MYPN: variants seen among roughly 807,000 people sequenced by gnomAD.
MYPN encodes the protein myopalladin.
Under a neutral mutation model 129.4 loss-of-function variants are expected in MYPN, and 63 were observed. That is an observed-to-expected ratio of 0.49 (90% CI 0.40 to 0.60). The LOEUF is 0.60. MYPN is among the 20% of genes least tolerant of loss of function. MYPN has a pLI of 0.00. For missense variants in MYPN, 1,596 were observed against 1,635.4 expected (o/e 0.98, Z 0.42); for synonymous variants, 629 against 600.9 (o/e 1.05, Z -0.68).
chr10:68,129,114 C>T (rs749693480), intron 2 of MYPN, among the ~76,000 whole-genome samples: 1 of 151,952 alleles, frequency 6.6e-6, no homozygotes, highest in Admixed American at 6.6e-5. Context: ...GCTTCACCTG[C>T]GACTTGATGG....
chr10:68,174,260 C>G lies in MYPN; in HGVS notation c.2168C>G (p.Pro723Arg). The G allele has an allele frequency of 6.2e-7, 1 of 1,614,096 alleles. No individual in the cohort carries two copies. Among genetic ancestry groups the G allele is most frequent in the Non-Finnish European group, 8.5e-7 (1 of 1,180,020 alleles). The stretch of plus-strand genomic sequence containing the variant: ...TCACAGACGTTCAGCTTGGCCCGGC[C>G]GAAGTATTTCTTCCCCTCCACGAAC... ...PSSQTFSLARPKYFFPSTNTT... is the reference protein window; with the variant it reads ...PSSQTFSLARRKYFFPSTNTT... The change falls in exon 11 of 20, where the codon CCG becomes CGG. Residue 723 changes from proline to arginine, a missense_variant. Transcript: ENST00000358913.
At chr10:68,201,397 A>T (rs534372162) in intron 17 of MYPN, among the ~76,000 whole-genome samples, 1 of 152,326 alleles carries the variant, frequency 6.6e-6, no homozygotes, top group Admixed American at 6.5e-5. Context: ...AGGTGGGTGC[A>T]TGCCCACTCT....
intron 1 of MYPN, among the ~76,000 whole-genome samples, chr10:68,114,909 G>A (rs2042134118): frequency 6.6e-6 from 1 of 151,804 alleles, no homozygotes; most frequent in African/African-American, 2.4e-5. Flanking sequence ...TTTTGAAAGT[G>A]GGAAAAAAAA....
In MYPN at chr10:68,201,912, T is replaced by A. The variant is rs1315553278; in HGVS notation, c.3577T>A (p.Cys1193Ser). The A allele has an allele frequency of 6.2e-7, 1 of 1,613,404 alleles. No individual in the cohort carries two copies. Among genetic ancestry groups the A allele is most frequent in the Non-Finnish European group, 8.5e-7 (1 of 1,179,922 alleles). ...CGAAGGCCACCCCGTGAGACTGGAG[T>A]GCCGCGTGATAGGCATGCCCCCACC... ...VPEGHPVRLE[C>S]RVIGMPPPVF... is the part of the protein sequence containing the mutation. Residue 1193 changes from cysteine to serine, a missense_variant, in exon 18 of 20, where the codon TGC becomes AGC. Cys to Ser is a moderately radical substitution (Grantham distance 112, BLOSUM62 -1). Transcript: ENST00000358913.
chr10:68,139,281 C>T (rs1026754269), intron 2 of MYPN, among the ~76,000 whole-genome samples: 6 of 152,090 alleles, frequency 3.9e-5, no homozygotes, highest in African/African-American at 1.4e-4. Flanking sequence ...TCTCCAAATC[C>T]CAAAACTTTC....
Position 68,158,539 on chromosome 10 carries a change from A to G in MYPN, c.1371A>G (p.Arg457=), listed in dbSNP as rs1396573758. ...GTCAGCTGGTTGTCTTTGAATGCAG[A>G]GTAAAAGGAGCTCCATCTCCTAAGG... ...SEGQLVVFEC[R]VKGAPSPKVE... is the part of the protein sequence containing the mutation. Residue 457 remains arginine (R), a synonymous_variant, in exon 7 of 20, where the codon AGA becomes AGG. Coordinates refer to ENST00000358913, the MANE Select transcript of MYPN (RefSeq NM_032578.4). The G allele has an allele frequency of 6.2e-7, 1 of 1,613,870 alleles. No homozygotes were observed. Among genetic ancestry groups the G allele is most frequent in the East Asian group, 2.2e-5 (1 of 44,874 alleles).
At chr10:68,133,031 T>G (rs2042433884) in intron 2 of MYPN, among the ~76,000 whole-genome samples, 1 of 148,444 alleles carries the variant, frequency 6.7e-6, no homozygotes, top group Admixed American at 6.7e-5. Context: ...ATTTTTTTTT[T>G]TTTTTTTTTT....
At chr10:68,180,609 C>A (rs1187481064) in intron 12 of MYPN, among the ~76,000 whole-genome samples, 1 of 152,222 alleles carries the variant, frequency 6.6e-6, no homozygotes, top group Non-Finnish European at 1.5e-5. Flanking sequence ...TACCCAGAAT[C>A]TGTTGGGAAC....
intron 2 of MYPN, among the ~76,000 whole-genome samples, chr10:68,129,171 T>C (rs977778253): frequency 1.1e-4 from 17 of 152,102 alleles, no homozygotes; most frequent in African/African-American, 3.4e-4. Flanking sequence ...AATCAGGATG[T>C]CTAGGGAAGA....
At chr10:68,209,192 T>C (rs2043865655) in intron 19 of MYPN, among the ~76,000 whole-genome samples, 1 of 152,136 alleles carries the variant, frequency 6.6e-6, no homozygotes, top group Admixed American at 6.5e-5. Flanking sequence ...AGAAACCTAA[T>C]CAGAAGATTG....
At chr10:68,127,889 C>G (rs756540532) in intron 2 of MYPN, among the ~76,000 whole-genome samples, 8 of 152,130 alleles carry the variant, frequency 5.3e-5, no homozygotes, top group Non-Finnish European at 1.2e-4. Context: ...GCTATCTTAG[C>G]AAGAAAATAT....
Position 68,109,711 on chromosome 10 carries a change from TA to T in MYPN, c.-7del, listed in dbSNP as rs1564640695. On this transcript the variant is annotated 5_prime_UTR_variant, in exon 1 of 20. Coordinates refer to ENST00000358913, the MANE Select transcript of MYPN (RefSeq NM_032578.4). ...ATTGGACATCCTCATCTGGGTCAAC[TA>T]AAAAAAGAAAGGTAATATCCAGATT... 2.2e-6 allele frequency: 1 copy of T among 453,166 alleles called. No homozygotes were observed. Among genetic ancestry groups the T allele is most frequent in the Non-Finnish European group, 4.4e-6 (1 of 226,468 alleles). 28.1% of individuals were successfully genotyped at this position (453,166 alleles called of 1,614,324 possible).
At chr10:68,088,481 A>G (rs919690438) in intron 1 of MYPN, among the ~76,000 whole-genome samples, 2 of 152,234 alleles carry the variant, frequency 1.3e-5, no homozygotes, top group African/African-American at 2.4e-5. Flanking sequence ...TTATTGTTTC[A>G]TAAAGAACTG....
intron 6 of MYPN, among the ~76,000 whole-genome samples, chr10:68,154,109 A>C (rs143877279): frequency 9.0e-4 from 137 of 152,358 alleles, no homozygotes; most frequent in African/African-American, 3.2e-3. Flanking sequence ...TACTCTACTC[A>C]TAGGTGATAC....
chr10:68,139,841 A>G (rs1216616915), intron 2 of MYPN, among the ~76,000 whole-genome samples: 1 of 152,256 alleles, frequency 6.6e-6, no homozygotes, highest in African/African-American at 2.4e-5. Flanking sequence ...CCAGGGCACT[A>G]TTGTAGGTGC....
At position 68,166,926 on chromosome 10, in the gene MYPN, C is replaced by T. The variant is rs1589578907; in HGVS notation, c.1973+260C>T. 3.3e-5 allele frequency among the ~76,000 whole-genome samples: 5 copies of T among 152,192 alleles called. 1 individual carries two copies. The highest frequency in any genetic ancestry group is 3.3e-4 in the Admixed American group (5 of 15,290). ...TGGTGGTGCACACCTATAGTCCTAG[C>T]TACGTGGGAGACAGAGGCAGGAGGA... On this transcript the variant is annotated intron_variant, in intron 10 of 19. Transcript: ENST00000358913.
intron 16 of MYPN, among the ~76,000 whole-genome samples, chr10:68,199,005 GA>G (rs1311412314): frequency 2.0e-5 from 3 of 149,608 alleles, no homozygotes; most frequent in South Asian, 2.1e-4. Flanking sequence ...TTTTTTTTTA[GA>G]AAAAAAATCT....
chr10:68,124,049 A>G (rs781022054), intron 2 of MYPN, among the ~76,000 whole-genome samples: 12 of 152,158 alleles, frequency 7.9e-5, no homozygotes, highest in Non-Finnish European at 1.5e-4. Context: ...TTATTTGCCT[A>G]CCATGGTCAG....
intron 16 of MYPN, among the ~76,000 whole-genome samples, chr10:68,198,873 G>T (rs1186166839): frequency 6.6e-6 from 1 of 151,780 alleles, no homozygotes; most frequent in Non-Finnish European, 1.5e-5. Flanking sequence ...GGGATGGGAG[G>T]GGTGAGGGGA....
Sources: gnomAD v4.1 joint callset for allele counts (sites outside exome capture counted in the v4.1 genomes callset) on GRCh38, gnomAD v4.1.1 for gene constraint, MANE v1.5 for transcripts, NCBI Gene and HGNC (gene_info 2026-07-23, HGNC 2026-07-21) for gene names.